The following MYO18B variants were observed in gnomAD, a reference collection of about 807,000 sequenced individuals.
MYO18B encodes the protein unconventional myosin-XVIIIb.
Under a neutral mutation model 273.0 loss-of-function variants are expected in MYO18B, and 204 were observed. The ratio of observed to expected loss-of-function variants is 0.75; its 90% confidence interval spans 0.67 to 0.84. The LOEUF (loss-of-function observed/expected upper bound fraction) is 0.84, where lower values mean the gene tolerates loss of function less well. Among genes scored for constraint, MYO18B ranks in the 40% least tolerant of loss-of-function variants. The probability of loss-of-function intolerance (pLI) is 0.00; values close to 1 mark genes in which losing one functional copy is unlikely to be tolerated. For synonymous variants in MYO18B, 1,330 were observed against 1,305.7 expected (o/e 1.02, Z -0.40); for missense variants, 3,212 against 3,287.6 (o/e 0.98, Z 0.56).
At chr22:25,823,743 C>G (rs2089378425) in intron 13 of MYO18B, 65 bp downstream of exon 13, 1 of 1,534,534 alleles carries the variant, frequency 6.5e-7, no homozygotes, top group African/African-American at 1.4e-5. Context: ...GGGGATACAC[C>G]AGCATTCTTT....
rs1569105250 is a variant in MYO18B, at chr22:25,847,566, GTGGACCTC to G, written c.3693_3700del (p.Leu1233GlyfsTer22). ...CCTGGTAGAGACAAGCCTGGGGCAG[GTGGACCTC>G]TGGCCCTGGATATCCCAGCACTGAG... On this transcript the variant is annotated frameshift_variant, in exon 20 of 44. Coordinates refer to ENST00000335473, the MANE Select transcript of MYO18B (RefSeq NM_032608.7). LOFTEE classifies it high-confidence loss of function. The G allele has an allele frequency of 6.4e-7, 1 of 1,568,452 alleles. No homozygotes were observed. The highest frequency in any genetic ancestry group is 2.4e-5 in the East Asian group (1 of 42,140).
chr22:25,882,992 GCT>G (rs1601455173), intron 25 of MYO18B, among the ~76,000 whole-genome samples: 1 of 152,104 alleles, frequency 6.6e-6, no homozygotes, highest in East Asian at 1.9e-4. Context: ...AACCTCCTGG[GCT>G]AAAGCGAACC....
At chr22:25,934,523 C>T (rs950546268) in intron 34 of MYO18B, among the ~76,000 whole-genome samples, 5 of 152,020 alleles carry the variant, frequency 3.3e-5, no homozygotes, top group Non-Finnish European at 7.4e-5. Context: ...TGAGGACGTG[C>T]GCCTGTGACA....
At chr22:25,967,841 G>A (rs2146717557) in intron 39 of MYO18B, among the ~76,000 whole-genome samples, 1 of 152,282 alleles carries the variant, frequency 6.6e-6, no homozygotes, top group South Asian at 2.1e-4. Flanking sequence ...GTATCTGTTT[G>A]CCAGAGCTGA....
At chr22:25,969,309 T>C (rs2093011383) in intron 39 of MYO18B, among the ~76,000 whole-genome samples, 1 of 152,218 alleles carries the variant, frequency 6.6e-6, no homozygotes, top group African/African-American at 2.4e-5. Context: ...AGCCAAATCT[T>C]ATTTTAAATC....
At chr22:25,942,837 T>G (rs1257009615) in intron 34 of MYO18B, among the ~76,000 whole-genome samples, 1 of 152,102 alleles carries the variant, frequency 6.6e-6, no homozygotes, top group African/African-American at 2.4e-5. Context: ...GGCCAGCAGC[T>G]GTCTCCATTG....
chr22:25,777,711 GAC>G lies in MYO18B; in HGVS notation c.1999_2000del (p.Thr667HisfsTer4). 1 of 1,612,598 alleles carries G rather than the reference GAC, an allele frequency of 6.2e-7. No homozygotes were observed. The highest frequency in any genetic ancestry group is 8.5e-7 in the Non-Finnish European group (1 of 1,179,196). On this transcript the variant is annotated frameshift_variant, in exon 8 of 44. Coordinates refer to ENST00000335473, the MANE Select transcript of MYO18B (RefSeq NM_032608.7). LOFTEE classifies it high-confidence loss of function. ...VALGWSGAGKTTCCEQVLEHL... is the reference protein window; with the variant it reads ...VALGWSGAGKXTCCEQVLEHL... ...CCCTGGGCTGGAGTGGCGCTGGGAA[GAC>G]CACCTGCTGTGAGCAGGTCCTGGAA...
Position 25,952,142 on chromosome 22 carries a change from C to T in MYO18B, c.5833-144C>T, listed in dbSNP as rs944127048. On this transcript the variant is annotated intron_variant, in intron 37 of 43. Coordinates refer to ENST00000335473, the MANE Select transcript of MYO18B (RefSeq NM_032608.7). Reference sequence around the variant, plus strand: ...TGACACCTGGCCATTCTTGCTTGTGCAGACATTTAACATGCAGCACACCTG... The same window carrying T: ...TGACACCTGGCCATTCTTGCTTGTGTAGACATTTAACATGCAGCACACCTG... The T allele has an allele frequency of 7.7e-6, 7 of 909,600 alleles. No individual in the cohort carries two copies. In the South Asian group the frequency reaches 1.1e-4, roughly 14 times the overall value. The allele number at this position is 909,600 out of a possible 1,614,324, so 56.3% of individuals were successfully genotyped here.
intron 1 of MYO18B, among the ~76,000 whole-genome samples, chr22:25,755,950 T>A (rs925572614): frequency 6.6e-6 from 1 of 151,536 alleles, no homozygotes; most frequent in Non-Finnish European, 1.5e-5. Flanking sequence ...CAGGCTGGAG[T>A]GCAGTGGCAC....
chr22:25,947,603 C>T, intron 35 of MYO18B, 109 bp from the exon 36 acceptor site: 1 of 704,206 alleles, frequency 1.4e-6, no homozygotes, highest in Non-Finnish European at 2.5e-6. Flanking sequence ...CATTGATGGT[C>T]ACTCACCTCA....
intron 13 of MYO18B, among the ~76,000 whole-genome samples, chr22:25,825,182 T>TC (rs2089447373): frequency 2.0e-5 from 3 of 152,120 alleles, no homozygotes; most frequent in South Asian, 2.1e-4. Flanking sequence ...TGAGTCTGAG[T>TC]TAACCTCTCA....
intron 11 of MYO18B, among the ~76,000 whole-genome samples, chr22:25,790,111 C>T (rs1209831841): frequency 6.6e-6 from 1 of 152,176 alleles, no homozygotes; most frequent in Non-Finnish European, 1.5e-5. Flanking sequence ...CGAGATTGCG[C>T]CACTGCACTC....
chr22:25,893,234 T>G (rs1350746887), intron 27 of MYO18B, among the ~76,000 whole-genome samples: 2 of 152,274 alleles, frequency 1.3e-5, no homozygotes, highest in Non-Finnish European at 2.9e-5. Flanking sequence ...TTTTCCTTTA[T>G]GCATGGCTAA....
At chr22:25,864,708 G>C (rs1215724748) in intron 21 of MYO18B, among the ~76,000 whole-genome samples, 1 of 152,194 alleles carries the variant, frequency 6.6e-6, no homozygotes, top group Non-Finnish European at 1.5e-5. Context: ...GCATGAATTA[G>C]TACCTGCTGC....
At chr22:25,864,058 G>C (rs2090816982) in intron 21 of MYO18B, among the ~76,000 whole-genome samples, 1 of 152,180 alleles carries the variant, frequency 6.6e-6, no homozygotes, top group Non-Finnish European at 1.5e-5. Flanking sequence ...ATGCTCCCAG[G>C]TGTGGGTTTT....
At position 25,769,366 on chromosome 22, in the gene MYO18B, A is replaced by AACCAAGAC; in HGVS notation, c.1451_1458dup (p.Gly487ThrfsTer47). 1 of 1,575,640 alleles carries AACCAAGAC rather than the reference A, an allele frequency of 6.3e-7. No individual in the cohort carries two copies. The highest frequency in any genetic ancestry group is 8.6e-7 in the Non-Finnish European group (1 of 1,161,198). ...AGAAAGGCCTCGGATACGGAAGGAG[A>AACCAAGAC]ACCAAGACGGGCCAGCCCCGCAGGA... On this transcript the variant is annotated frameshift_variant, in exon 4 of 44. Transcript: ENST00000335473. LOFTEE classifies it high-confidence loss of function.
At position 25,918,812 on chromosome 22, in the gene MYO18B, G is replaced by A. The variant is rs569347782; in HGVS notation, c.5365-2445G>A. ...GAAATGTGCAAAGCCCACTGCCTAAGCATACTCATGAGTCTGGGTTCTAGA... is the reference window on the plus strand; with the variant it reads ...GAAATGTGCAAAGCCCACTGCCTAAACATACTCATGAGTCTGGGTTCTAGA... On this transcript the variant is annotated intron_variant, in intron 33 of 43. Coordinates refer to ENST00000335473, the MANE Select transcript of MYO18B (RefSeq NM_032608.7). Among the ~76,000 whole-genome samples, 54 of 152,346 alleles carry A rather than the reference G, an allele frequency of 3.5e-4. 1 individual carries two copies. In the South Asian group the frequency reaches 0.011, roughly 31 times the overall value.
intron 17 of MYO18B, 61 bp from the exon 18 acceptor site, chr22:25,843,674 C>A: frequency 6.5e-7 from 1 of 1,543,314 alleles, no homozygotes; most frequent in Non-Finnish European, 8.8e-7. Context: ...TAAGGGATGC[C>A]AGCTGATTGC....
In MYO18B at chr22:25,769,277, A is replaced by G; in HGVS notation, c.1361A>G (p.Asp454Gly). The G allele has an allele frequency of 1.9e-6, 3 of 1,587,230 alleles. No homozygotes were observed. The highest frequency in any genetic ancestry group is 2.6e-6 in the Non-Finnish European group (3 of 1,167,212). Residue 454 changes from aspartate (D) to glycine (G), a missense_variant, in exon 4 of 44, where the codon GAT becomes GGT. Physicochemically the swap from Asp to Gly is moderately conservative, Grantham distance 94. Coordinates refer to ENST00000335473, the MANE Select transcript of MYO18B (RefSeq NM_032608.7). ...GAGGAGCCCTGCTCAAGAGCAGGTG[A>G]TGGGGCTGGTGCCCTGGAGACAGAG... Reference protein sequence around the residue: ...EAEEPCSRAGDGAGALETELE... With the variant: ...EAEEPCSRAGGGAGALETELE...
Sources: allele counts gnomAD v4.1 joint callset (sites outside exome capture counted in the v4.1 genomes callset), GRCh38; gene constraint gnomAD v4.1.1; transcripts MANE v1.5; gene names NCBI Gene and HGNC (gene_info 2026-07-23, HGNC 2026-07-21).